EPHA5: variants seen among roughly 807,000 people sequenced by gnomAD.
The protein encoded by EPHA5 is EPH receptor A5.
A neutral mutation model predicts 105.0 loss-of-function variants in EPHA5; 60 were observed. That is an observed-to-expected ratio of 0.57 (90% CI 0.46 to 0.71). The LOEUF is 0.71. Ranked by LOEUF, EPHA5 falls within the 30% of genes least tolerant of loss-of-function variation. The pLI is 0.00. For missense variants in EPHA5, 1,218 were observed against 1,274.7 expected (o/e 0.96, Z 0.68); for synonymous variants, 513 against 449.1 (o/e 1.14, Z -1.80).
At chr4:65,562,248 T>A (rs1739084200) in intron 3 of EPHA5, among the ~76,000 whole-genome samples, 1 of 152,052 alleles carries the variant, frequency 6.6e-6, no homozygotes, top group Non-Finnish European at 1.5e-5. Context: ...AGTTATAAAT[T>A]TCCCCCACTA....
At chr4:65,641,352 C>A (rs922743338) in intron 2 of EPHA5, among the ~76,000 whole-genome samples, 1 of 151,988 alleles carries the variant, frequency 6.6e-6, no homozygotes, top group African/African-American at 2.4e-5. Flanking sequence ...TTGTTTGAAT[C>A]CAGAGTTCCA....
chr4:65,620,051 C>A (rs1454659423), intron 2 of EPHA5, among the ~76,000 whole-genome samples: 1 of 146,900 alleles, frequency 6.8e-6, no homozygotes, highest in African/African-American at 2.5e-5. Context: ...TGTTAAAGAG[C>A]AAATTCTTTG....
At chr4:65,373,427 T>G (rs1338206895) in intron 8 of EPHA5, among the ~76,000 whole-genome samples, 2 of 151,940 alleles carry the variant, frequency 1.3e-5, no homozygotes, top group Non-Finnish European at 2.9e-5. Flanking sequence ...GGCAGATATC[T>G]TATAAAGATG....
chr4:65,438,381 T>C (rs1209880995), intron 5 of EPHA5, among the ~76,000 whole-genome samples: 2 of 151,890 alleles, frequency 1.3e-5, no homozygotes, highest in African/African-American at 2.4e-5. Context: ...GAAATATACA[T>C]ATAAATATGG....
intron 3 of EPHA5, among the ~76,000 whole-genome samples, chr4:65,593,111 A>G (rs1742834442): frequency 6.6e-6 from 1 of 152,148 alleles, no homozygotes; most frequent in South Asian, 2.1e-4. Context: ...AATATTGTCT[A>G]TTTATGATAA....
chr4:65,464,797 C>T (rs930891205), intron 5 of EPHA5, among the ~76,000 whole-genome samples: 1 of 151,794 alleles, frequency 6.6e-6, no homozygotes, highest in African/African-American at 2.4e-5. Context: ...ACGAATTTGG[C>T]TATTAGATTA....
intron 5 of EPHA5, among the ~76,000 whole-genome samples, chr4:65,443,568 G>C (rs1005046782): frequency 3.3e-5 from 5 of 152,040 alleles, no homozygotes; most frequent in Non-Finnish European, 5.9e-5. Context: ...TTAGAAGCCT[G>C]GGGGAGGGCC....
intron 7 of EPHA5, among the ~76,000 whole-genome samples, chr4:65,406,152 T>C (rs1722336776): frequency 6.6e-6 from 1 of 152,210 alleles, no homozygotes; most frequent in Admixed American, 6.6e-5. Flanking sequence ...TGCTGCCTTA[T>C]AAACTACTCT....
intron 5 of EPHA5, among the ~76,000 whole-genome samples, chr4:65,441,596 A>G (rs963039059): frequency 6.6e-5 from 10 of 152,122 alleles, no homozygotes; most frequent in Admixed American, 5.9e-4. Flanking sequence ...AAAAAAGAGC[A>G]ATTGGAATGA....
At chr4:65,585,084 C>CTGCA (rs1258181052) in intron 3 of EPHA5, among the ~76,000 whole-genome samples, 1 of 150,590 alleles carries the variant, frequency 6.6e-6, no homozygotes, top group Non-Finnish European at 1.5e-5. Context: ...TTTTCACTAC[C>CTGCA]TGCATGCATG....
chr4:65,422,549 A>G (rs1724040295), intron 5 of EPHA5, among the ~76,000 whole-genome samples: 1 of 152,088 alleles, frequency 6.6e-6, no homozygotes, highest in African/African-American at 2.4e-5. Flanking sequence ...TAAAACTATT[A>G]CTGTCCCTGT....
intron 8 of EPHA5, among the ~76,000 whole-genome samples, chr4:65,378,718 C>T (rs1397154610): frequency 2.6e-5 from 4 of 151,894 alleles, no homozygotes; most frequent in South Asian, 2.1e-4. Context: ...ACCGTTTGCC[C>T]TCCTTTGTTA....
chr4:65,632,579 T>C (rs1746749402), intron 2 of EPHA5, among the ~76,000 whole-genome samples: 1 of 147,342 alleles, frequency 6.8e-6, no homozygotes, highest in South Asian at 2.2e-4. Context: ...TTCCAAACAA[T>C]CCCTTCTTCC....
chr4:65,422,459 C>CA, intron 5 of EPHA5, among the ~76,000 whole-genome samples: 1 of 152,132 alleles, frequency 6.6e-6, no homozygotes, highest in East Asian at 1.9e-4. Flanking sequence ...GCCTGCTCAA[C>CA]CTTTTAAGTC....
intron 5 of EPHA5, among the ~76,000 whole-genome samples, chr4:65,451,534 A>G (rs987383480): frequency 6.6e-6 from 1 of 152,178 alleles, no homozygotes; most frequent in Non-Finnish European, 1.5e-5. Flanking sequence ...GGATAGAATT[A>G]CACTTTTATA....
chr4:65,590,537 G>A (rs1168482586), intron 3 of EPHA5, among the ~76,000 whole-genome samples: 1 of 152,068 alleles, frequency 6.6e-6, no homozygotes, highest in Non-Finnish European at 1.5e-5. Flanking sequence ...ATGCCTTCCT[G>A]CTTTATAATA....
chr4:65,433,375 A>G (rs1225507982), intron 5 of EPHA5, among the ~76,000 whole-genome samples: 4 of 152,210 alleles, frequency 2.6e-5, no homozygotes, highest in Non-Finnish European at 5.9e-5. Context: ...ACAAAGTTGT[A>G]AGACCACACC....
rs774832245 is a variant in EPHA5 at position 65,414,454 on chromosome 4, G to T, written c.1528-11C>A. ...GCTGGTCTCTTGGTCCTTGGGATGC[G>T]CATGCATATACAATAAAAAAGACAG... On this transcript the variant is annotated splice_polypyrimidine_tract_variant and intron_variant, in intron 6 of 16. Coordinates refer to ENST00000613740, the MANE Select transcript of EPHA5 (RefSeq NM_001281766.3). 6.8e-6 allele frequency: 11 copies of T among 1,613,112 alleles called. No homozygotes were observed. The highest frequency in any genetic ancestry group is 1.7e-5 in the Admixed American group (1 of 59,958).
At chr4:65,525,016 A>G (rs2149288761) in intron 3 of EPHA5, among the ~76,000 whole-genome samples, 1 of 151,866 alleles carries the variant, frequency 6.6e-6, no homozygotes, top group South Asian at 2.1e-4. Flanking sequence ...CCTTTCTTAG[A>G]AATATCTACC....
Sources: allele counts gnomAD v4.1 joint callset (sites outside exome capture counted in the v4.1 genomes callset), GRCh38; gene constraint gnomAD v4.1.1; transcripts MANE v1.5; gene names NCBI Gene and HGNC (gene_info 2026-07-23, HGNC 2026-07-21).